SPTA1: variants seen among roughly 807,000 people sequenced by gnomAD.
SPTA1 encodes the protein spectrin alpha chain, erythrocytic 1.
Under a neutral mutation model 324.7 loss-of-function variants are expected in SPTA1, and 177 were observed. The observed-to-expected ratio is 0.55, with a 90% confidence interval of 0.48 to 0.62. The LOEUF (loss-of-function observed/expected upper bound fraction) is 0.62. SPTA1 is among the 20% of genes least tolerant of loss of function. The probability of loss-of-function intolerance (pLI) is 0.00; values close to 1 mark genes in which losing one functional copy is unlikely to be tolerated. For missense variants in SPTA1, 3,162 were observed against 2,883.6 expected, an observed-to-expected ratio of 1.10 and a Z score of -2.21; for synonymous variants, 1,195 against 1,041.3, an observed-to-expected ratio of 1.15 and a Z score of -2.84.
Position 158,611,438 on chromosome 1 carries a change from C to T in SPTA1, c.7135-49G>A, listed in dbSNP as rs773446870. The T allele has an allele frequency of 5.0e-6, 8 of 1,609,794 alleles. No individual in the cohort carries two copies. The Admixed American group carries it at 1.3e-4, about 27-fold the overall frequency. On this transcript the variant is annotated intron_variant, in intron 51 of 51. Transcript: ENST00000643759. ...ATACAGTTATAGGGATTCAAAATAG[C>T]TGGTTCCTTGGGGCTTCCCATATTA...
At chr1:158,675,893 A>T (rs1271274460) in intron 8 of SPTA1, among the ~76,000 whole-genome samples, 1 of 152,174 alleles carries the variant, frequency 6.6e-6, no homozygotes, top group African/African-American at 2.4e-5. Context: ...TTATTACTGG[A>T]ATTTTCCATT....
rs369778437 is a variant in SPTA1, at chr1:158,626,113, G to A, written c.5910+33C>T. On this transcript the variant is annotated intron_variant, in intron 42 of 51. Transcript: ENST00000643759. The stretch of plus-strand genomic sequence containing the variant: ...GAGGATGAGCTTCTGTGTGAATCAG[G>A]TCTTGGGCTTACCTAACATCTATCA... 25 of 1,589,442 alleles carry A rather than the reference G, an allele frequency of 1.6e-5. No individual in the cohort carries two copies. In the Middle Eastern group the frequency reaches 6.6e-4, roughly 42 times the overall value.
At chr1:158,649,024 C>T (rs1027272377) in intron 25 of SPTA1, among the ~76,000 whole-genome samples, 1 of 152,306 alleles carries the variant, frequency 6.6e-6, no homozygotes, top group East Asian at 1.9e-4. Context: ...AAGCATTCTA[C>T]ACACACAGAC....
chr1:158,618,860 G>A (rs867362347), intron 45 of SPTA1, among the ~76,000 whole-genome samples: 7 of 152,168 alleles, frequency 4.6e-5, no homozygotes, highest in Middle Eastern at 3.2e-3. Flanking sequence ...AGGTTGCTCC[G>A]ACAGTTAAGT....
chr1:158,668,047 T>G lies in SPTA1; in HGVS notation c.1849A>C (p.Lys617Gln). ...ACTTGCTGCTTTTGAACCCTGCTCTTCAAGTTCTGTATGTCCTGAGATAAG... is the reference window on the plus strand; with the variant it reads ...ACTTGCTGCTTTTGAACCCTGCTCTGCAAGTTCTGTATGTCCTGAGATAAG... The part of the protein sequence containing the change: ...DEDYKDIQNL[K>Q]SRVQKQQVFE... Residue 617 changes from lysine (K) to glutamine (Q), a missense_variant, in exon 15 of 52, where the codon AAG (lysine) becomes CAG (glutamine). Transcript: ENST00000643759. 1 of 1,609,856 alleles carries G rather than the reference T, an allele frequency of 6.2e-7. No individual in the cohort carries two copies. The highest frequency in any genetic ancestry group is 8.5e-7 in the Non-Finnish European group (1 of 1,179,220).
At position 158,651,273 on chromosome 1, in the gene SPTA1, G is replaced by A; in HGVS notation, c.3477+94C>T. On this transcript the variant is annotated intron_variant, in intron 24 of 51. Coordinates refer to ENST00000643759, the MANE Select transcript of SPTA1 (RefSeq NM_003126.4). Reference sequence around the variant, plus strand: ...GCTGTTACCTTCTGCATGTTCTAGTGGGTCTGCAGAATATAAAGTTCCATG... The same window carrying A: ...GCTGTTACCTTCTGCATGTTCTAGTAGGTCTGCAGAATATAAAGTTCCATG... 3.6e-6 allele frequency: 3 copies of A among 836,344 alleles called. 1 individual carries two copies. Among genetic ancestry groups the A allele is most frequent in the Admixed American group, 3.4e-5 (2 of 58,638 alleles). The allele number at this position is 836,344 out of a possible 1,614,324, so 51.8% of individuals were successfully genotyped here.
chr1:158,627,153 T>C lies in SPTA1; in HGVS notation c.5665-146A>G, dbSNP rs1348693418. The C allele has an allele frequency of 3.1e-6, 3 of 979,056 alleles. No homozygotes were observed. The East Asian group carries it at 7.6e-5, about 25-fold the overall frequency. The allele number at this position is 979,056 out of a possible 1,614,324, so 60.6% of individuals were successfully genotyped here. On this transcript the variant is annotated intron_variant, in intron 40 of 51. Coordinates refer to ENST00000643759, the MANE Select transcript of SPTA1 (RefSeq NM_003126.4). Reference sequence around the variant, plus strand: ...TTAGTTTGTGTAAGTTTCTAGGAGGTAGGGAGTCATCTCTGTTTAATGGTC... The same window carrying C: ...TTAGTTTGTGTAAGTTTCTAGGAGGCAGGGAGTCATCTCTGTTTAATGGTC...
Position 158,678,402 on chromosome 1 carries a change from T to C in SPTA1, c.811A>G (p.Arg271Gly). ...ATAAAGCAGTGGCCAGATCCATACC[T>C]TTTGAATCGTTGTAAGTTTGCAGCA... ...SNAANLQRFK[R>G]DVTEAIQWIK... Residue 271 changes from arginine (R) to glycine (G), a missense_variant and splice_region_variant, in exon 6 of 52, where the codon AGG becomes GGG. Physicochemically the swap from Arg to Gly is moderately radical, Grantham distance 125. Coordinates refer to ENST00000643759, the MANE Select transcript of SPTA1 (RefSeq NM_003126.4). The C allele has an allele frequency of 6.2e-7, 1 of 1,613,514 alleles. No homozygotes were observed. The highest frequency in any genetic ancestry group is 8.5e-7 in the Non-Finnish European group (1 of 1,179,594).
At chr1:158,662,629 G>C (rs1397654379) in intron 17 of SPTA1, 73 bp downstream of exon 17, 8 of 1,605,116 alleles carry the variant, frequency 5.0e-6, no homozygotes, top group South Asian at 3.3e-5. Flanking sequence ...TCCAACTACT[G>C]TACCCCAGAT....
At chr1:158,617,483 T>C in intron 47 of SPTA1, 54 bp downstream of exon 47, 7 of 1,491,224 alleles carry the variant, frequency 4.7e-6, no homozygotes, top group Non-Finnish European at 5.6e-6. Flanking sequence ...TGATTATTTT[T>C]ACACTCCTTA....
intron 12 of SPTA1, among the ~76,000 whole-genome samples, chr1:158,670,987 G>GA (rs58374630): frequency 6.7e-4 from 98 of 145,340 alleles, no homozygotes; most frequent in African/African-American, 1.2e-3. Flanking sequence ...CACTTCATCA[G>GA]AAAAAAAAAA....
chr1:158,666,414 A>G lies in SPTA1; in HGVS notation c.2122T>C (p.Trp708Arg), dbSNP rs1486630362. ...DLQRWLEDVE[W>R]QVTSEDYGKG... ...CCATAATCCTCAGAGGTGACTTGCC[A>G]CTCAACATCCTCCAGCCAGCGCTGC... Residue 708 changes from tryptophan (W) to arginine (R), a missense_variant, in exon 16 of 52, where the codon TGG becomes CGG. Coordinates refer to ENST00000643759, the MANE Select transcript of SPTA1 (RefSeq NM_003126.4). The G allele has an allele frequency of 1.9e-6, 3 of 1,613,696 alleles. No individual in the cohort carries two copies. The East Asian group carries it at 6.7e-5, about 36-fold the overall frequency.
rs553043635 is a variant in SPTA1 at position 158,613,842 on chromosome 1, G to T, written c.6868C>A (p.Arg2290Ser). 1.2e-6 allele frequency: 2 copies of T among 1,613,762 alleles called. No homozygotes were observed. Among genetic ancestry groups the T allele is most frequent in the Non-Finnish European group, 1.7e-6 (2 of 1,179,900 alleles). Residue 2290 changes from arginine to serine, a missense_variant, in exon 50 of 52, where the codon CGC becomes AGC. Arg to Ser is a moderately radical substitution (Grantham distance 110). Coordinates refer to ENST00000643759, the MANE Select transcript of SPTA1 (RefSeq NM_003126.4). ...GACCGGAACTCTTTGTGAGTCAGGCGCCCTGTCAAATTCTCATCAAAGTGT... is the reference window on the plus strand; with the variant it reads ...GACCGGAACTCTTTGTGAGTCAGGCTCCCTGTCAAATTCTCATCAAAGTGT... Reference protein sequence around the residue: ...YKHFDENLTGRLTHKEFRSCL... With the variant: ...YKHFDENLTGSLTHKEFRSCL...
Position 158,620,395 on chromosome 1 carries a change from T to C in SPTA1, c.6192A>G (p.Glu2064=). 6.2e-7 allele frequency: 1 copy of C among 1,613,956 alleles called. No individual in the cohort carries two copies. The highest frequency in any genetic ancestry group is 8.5e-7 in the Non-Finnish European group (1 of 1,180,028). The change falls in exon 44 of 52, where the codon GAA becomes GAG. Residue 2064 remains glutamate (E), a synonymous_variant. Coordinates refer to ENST00000643759, the MANE Select transcript of SPTA1 (RefSeq NM_003126.4). ...CACAGTGCACAGGCTCTGACAAGTT[T>C]TCTTCCATCTTTTCACACCAGTTGT... The part of the protein sequence containing the change: ...ALNNWCEKME[E]NLSEPVHCVS...
At chr1:158,650,038 T>C (rs1253881591) in intron 24 of SPTA1, 91 bp from the exon 25 acceptor site, 4 of 879,332 alleles carry the variant, frequency 4.5e-6, no homozygotes, top group South Asian at 2.9e-5. Flanking sequence ...TAAAACATAG[T>C]TGTTTTTACG....
chr1:158,649,943 A>C lies in SPTA1; in HGVS notation c.3482T>G (p.Leu1161Trp). Residue 1161 changes from leucine to tryptophan, a missense_variant, in exon 25 of 52, where the codon TTG (leucine) becomes TGG (tryptophan). Leu to Trp is a moderately conservative substitution (Grantham distance 61). Transcript: ENST00000643759. Reference protein sequence around the residue: ...TPEGAQIRQELNSRWGSLQRL... With the variant: ...TPEGAQIRQEWNSRWGSLQRL... Reference sequence around the variant, plus strand: ...CTGCAAAGAACCCCAGCGGGAATTCAATTCCTAAAAGAGGCAAAAACATCA... The same window carrying C: ...CTGCAAAGAACCCCAGCGGGAATTCCATTCCTAAAAGAGGCAAAAACATCA... 2.5e-6 allele frequency: 4 copies of C among 1,611,978 alleles called. No homozygotes were observed. The highest frequency in any genetic ancestry group is 2.5e-6 in the Non-Finnish European group (3 of 1,178,808).
intron 6 of SPTA1, among the ~76,000 whole-genome samples, chr1:158,678,178 CT>C: frequency 6.6e-6 from 1 of 152,070 alleles, no homozygotes; most frequent in East Asian, 1.9e-4. Flanking sequence ...ACCAATGCTA[CT>C]TTTTTAGTTA....
At chr1:158,633,928 C>CCAA (rs1454942290) in intron 39 of SPTA1, among the ~76,000 whole-genome samples, 1 of 152,138 alleles carries the variant, frequency 6.6e-6, no homozygotes, top group Non-Finnish European at 1.5e-5. Flanking sequence ...TTGGTAAATT[C>CCAA]CCAATTTTTA....
chr1:158,655,970 T>C (rs529512392), intron 20 of SPTA1, among the ~76,000 whole-genome samples: 21 of 152,304 alleles, frequency 1.4e-4, no homozygotes, highest in African/African-American at 5.1e-4. Flanking sequence ...AAACTACCCA[T>C]CTGTCTTTCC....
Sources: allele counts gnomAD v4.1 joint callset (sites outside exome capture counted in the v4.1 genomes callset), GRCh38; gene constraint gnomAD v4.1.1; transcripts MANE v1.5; gene names NCBI Gene and HGNC (gene_info 2026-07-23, HGNC 2026-07-21).